Variants in WDR70 observed in about 807,000 individuals in gnomAD.
WDR70 encodes the protein WD repeat domain 70.
In WDR70, 53 loss-of-function variants were observed where a neutral mutation model predicts 88.6. The ratio of observed to expected loss-of-function variants is 0.60; its 90% CI spans 0.48 to 0.75. The LOEUF (loss-of-function observed/expected upper bound fraction) is 0.75. WDR70 is among the 30% of genes least tolerant of loss of function. The probability of loss-of-function intolerance (pLI) is 0.00; values close to 1 mark genes in which losing one functional copy is unlikely to be tolerated. For missense variants in WDR70, 610 were observed against 823.2 expected, an observed-to-expected ratio of 0.74 and a Z score of 3.17; for synonymous variants, 280 against 270.0, an observed-to-expected ratio of 1.04 and a Z score of -0.36.
At chr5:37,566,353 A>G (rs1275709865) in intron 9 of WDR70, among the ~76,000 whole-genome samples, 2 of 152,162 alleles carry the variant, frequency 1.3e-5, no homozygotes, top group Non-Finnish European at 2.9e-5. Context: ...ATAGTATATC[A>G]TTAATTACCC....
chr5:37,716,854 CT>C (rs1747667901), intron 13 of WDR70, among the ~76,000 whole-genome samples: 2 of 152,042 alleles, frequency 1.3e-5, no homozygotes, highest in African/African-American at 2.4e-5. Flanking sequence ...TTTTTGTGGT[CT>C]TTTCACTTTT....
chr5:37,615,378 T>C (rs1370032536), intron 10 of WDR70, among the ~76,000 whole-genome samples: 4 of 152,076 alleles, frequency 2.6e-5, no homozygotes, highest in African/African-American at 9.7e-5. Flanking sequence ...TCATGAAATT[T>C]CAGGACACCA....
chr5:37,701,947 C>T lies in WDR70; in HGVS notation c.1277+805C>T, dbSNP rs149007778. Among the ~76,000 whole-genome samples the T allele has an allele frequency of 5.5e-4, 83 of 152,270 alleles. No homozygotes were observed. The East Asian group carries it at 6.7e-3, about 12-fold the overall frequency. On this transcript the variant is annotated intron_variant, in intron 12 of 17. Transcript: ENST00000265107. ...GACTGTCTTGCTGTGGGTAGCTGAA[C>T]GCTGTTATCTCCAATCTACTAAATT... is the stretch of plus-strand genomic sequence containing the variant.
chr5:37,533,295 G>A (rs901330669), intron 9 of WDR70, among the ~76,000 whole-genome samples: 5 of 152,218 alleles, frequency 3.3e-5, no homozygotes, highest in African/African-American at 1.2e-4. Flanking sequence ...CTATAGCGAG[G>A]ATGTGGACTT....
intron 13 of WDR70, among the ~76,000 whole-genome samples, chr5:37,708,714 A>C (rs1747427898): frequency 6.6e-6 from 1 of 152,178 alleles, no homozygotes. Flanking sequence ...GACTATAGTC[A>C]GCCTCCATTA....
intron 8 of WDR70, among the ~76,000 whole-genome samples, chr5:37,496,163 T>G (rs55864318): frequency 5.9e-5 from 9 of 152,272 alleles, no homozygotes; most frequent in Non-Finnish European, 1.2e-4. Context: ...AATGGACCAA[T>G]CAGTGCTCTG....
At chr5:37,619,369 C>G (rs1036567733) in intron 10 of WDR70, among the ~76,000 whole-genome samples, 1 of 151,414 alleles carries the variant, frequency 6.6e-6, no homozygotes, top group East Asian at 1.9e-4. Context: ...TGTTCAGACT[C>G]TCTGCAGGAT....
intron 8 of WDR70, among the ~76,000 whole-genome samples, chr5:37,496,898 G>A (rs1375836484): frequency 6.6e-6 from 1 of 152,190 alleles, no homozygotes; most frequent in Non-Finnish European, 1.5e-5. Context: ...TGTCAGTGGA[G>A]ATGGAGCTTA....
intron 10 of WDR70, among the ~76,000 whole-genome samples, chr5:37,648,035 G>A (rs773751078): frequency 2.1e-4 from 32 of 152,170 alleles, no homozygotes; most frequent in Non-Finnish European, 3.4e-4. Flanking sequence ...TACAATTTGA[G>A]ATGAGATTTG....
intron 5 of WDR70, among the ~76,000 whole-genome samples, chr5:37,429,773 C>G (rs1750247335): frequency 6.6e-6 from 1 of 152,158 alleles, no homozygotes; most frequent in African/African-American, 2.4e-5. Context: ...TACATGAAAT[C>G]ATGTAGTGTA....
chr5:37,636,573 A>G (rs541456565), intron 10 of WDR70, among the ~76,000 whole-genome samples: 101 of 152,334 alleles, frequency 6.6e-4, no homozygotes, highest in South Asian at 6.2e-3. Context: ...GACATTAAAG[A>G]TAACATCATC....
intron 5 of WDR70, among the ~76,000 whole-genome samples, chr5:37,432,394 T>C (rs1219179369): frequency 6.6e-6 from 1 of 152,178 alleles, no homozygotes; most frequent in Non-Finnish European, 1.5e-5. Context: ...TTGCTCATTT[T>C]ATTTTTATCT....
intron 9 of WDR70, among the ~76,000 whole-genome samples, chr5:37,525,911 C>T (rs193218223): frequency 6.6e-6 from 1 of 152,296 alleles, no homozygotes; most frequent in East Asian, 1.9e-4. Flanking sequence ...TGGACACATA[C>T]ACCCTCCCAA....
At chr5:37,657,363 T>C (rs571083611) in intron 10 of WDR70, among the ~76,000 whole-genome samples, 2 of 152,228 alleles carry the variant, frequency 1.3e-5, no homozygotes, top group African/African-American at 4.8e-5. Flanking sequence ...GGTACCCCAG[T>C]TGGAAATGCA....
At chr5:37,663,795 C>T (rs952123255) in intron 10 of WDR70, among the ~76,000 whole-genome samples, 1 of 152,198 alleles carries the variant, frequency 6.6e-6, no homozygotes, top group Admixed American at 6.5e-5. Flanking sequence ...TAGTTCCCCA[C>T]TAATCCTTCC....
intron 9 of WDR70, among the ~76,000 whole-genome samples, chr5:37,518,383 C>T (rs1032371214): frequency 3.3e-5 from 5 of 152,052 alleles, no homozygotes; most frequent in African/African-American, 7.2e-5. Flanking sequence ...TGGTAACCAT[C>T]GTTCTTCTCT....
At position 37,471,315 on chromosome 5, in the gene WDR70, G is replaced by A. The variant is rs574922442; in HGVS notation, c.687-8519G>A. On this transcript the variant is annotated intron_variant, in intron 7 of 17. Coordinates refer to ENST00000265107, the MANE Select transcript of WDR70 (RefSeq NM_018034.4). Reference sequence around the variant, plus strand: ...CCTTTTAAATTTTAGTCATTTTGGTGGATATATAGTAGTATTTCATTGTGG... The same window carrying A: ...CCTTTTAAATTTTAGTCATTTTGGTAGATATATAGTAGTATTTCATTGTGG... Among the ~76,000 whole-genome samples the A allele has an allele frequency of 3.4e-4, 51 of 150,758 alleles. 1 individual carries two copies. The South Asian group carries it at 1.0e-2, about 29-fold the overall frequency.
intron 5 of WDR70, among the ~76,000 whole-genome samples, chr5:37,428,988 G>T (rs1421376774): frequency 6.6e-6 from 1 of 152,140 alleles, no homozygotes; most frequent in Admixed American, 6.6e-5. Context: ...GTTTGCAATT[G>T]CTTGTTGACT....
At chr5:37,727,585 AT>A (rs1748013200) in intron 17 of WDR70, among the ~76,000 whole-genome samples, 1 of 151,970 alleles carries the variant, frequency 6.6e-6, no homozygotes, top group Non-Finnish European at 1.5e-5. Flanking sequence ...ATTTTTATTT[AT>A]TTATTTAGAG....
Sources: allele counts gnomAD v4.1 joint callset (sites outside exome capture counted in the v4.1 genomes callset), GRCh38; gene constraint gnomAD v4.1.1; transcripts MANE v1.5; gene names NCBI Gene and HGNC (gene_info 2026-07-23, HGNC 2026-07-21).